The following AKT3 variants were observed in gnomAD, a reference collection of about 807,000 sequenced individuals.
AKT3 encodes RAC-gamma serine/threonine-protein kinase.
A neutral mutation model predicts 65.3 loss-of-function variants in AKT3; 15 were observed. That is an observed-to-expected ratio of 0.23 (90% confidence interval 0.15 to 0.35). The LOEUF (loss-of-function observed/expected upper bound fraction) is 0.35. Ranked by LOEUF, AKT3 falls within the 10% of genes least tolerant of loss-of-function variation. The pLI, the probability that AKT3 is intolerant of heterozygous loss-of-function variation, is 1.00. For synonymous variants in AKT3, 206 were observed against 183.8 expected (o/e 1.12, Z -0.98); for missense variants, 243 against 576.5 (o/e 0.42, Z 5.92).
At chr1:243,714,681 G>A (rs1041786613) in intron 2 of AKT3, among the ~76,000 whole-genome samples, 6 of 152,062 alleles carry the variant, frequency 3.9e-5, no homozygotes, top group Admixed American at 6.6e-5. Flanking sequence ...TATCTGGCAC[G>A]GGGAGGAGAA....
chr1:243,658,066 G>C (rs1321766431), intron 4 of AKT3, among the ~76,000 whole-genome samples: 1 of 152,038 alleles, frequency 6.6e-6, no homozygotes, highest in Non-Finnish European at 1.5e-5. Flanking sequence ...TTGGTCTTTA[G>C]AAATGATTTC....
chr1:243,774,241 A>T (rs1690398922), intron 2 of AKT3, among the ~76,000 whole-genome samples: 1 of 152,218 alleles, frequency 6.6e-6, no homozygotes, highest in Non-Finnish European at 1.5e-5. Context: ...CACCTGCCAT[A>T]GTTCTACATA....
intron 2 of AKT3, among the ~76,000 whole-genome samples, chr1:243,705,148 T>C (rs1184311759): frequency 6.6e-6 from 1 of 152,232 alleles, no homozygotes; most frequent in Non-Finnish European, 1.5e-5. Context: ...GAACTTGTCA[T>C]TTTTACATTA....
Position 243,512,440 on chromosome 1 carries a change from GA to G in AKT3, c.1252-15del. 1 of 1,462,234 alleles carries G rather than the reference GA, an allele frequency of 6.8e-7. No individual in the cohort carries two copies. Among genetic ancestry groups the G allele is most frequent in the Non-Finnish European group, 9.4e-7 (1 of 1,068,676 alleles). 90.6% of individuals were successfully genotyped at this position (1,462,234 alleles called of 1,614,324 possible). A position where few individuals can be genotyped will look rare whatever the true frequency, so the allele number is the denominator to read the frequency against. On this transcript the variant is annotated splice_polypyrimidine_tract_variant and intron_variant, in intron 12 of 13. Coordinates refer to ENST00000673466, the MANE Select transcript of AKT3 (RefSeq NM_005465.7). ...AGGAGGTACAAGCTGTAAAAAGAAA[GA>G]AAAAGAGTTTTATTAACTGATTTCA...
intron 3 of AKT3, among the ~76,000 whole-genome samples, chr1:243,670,954 C>T (rs1683117383): frequency 6.6e-6 from 1 of 152,086 alleles, no homozygotes; most frequent in South Asian, 2.1e-4. Flanking sequence ...TTTTAGAGAT[C>T]ATCTGTTTAG....
At chr1:243,776,669 G>A (rs1242467478) in intron 2 of AKT3, among the ~76,000 whole-genome samples, 2 of 152,086 alleles carry the variant, frequency 1.3e-5, no homozygotes, top group East Asian at 3.9e-4. Flanking sequence ...CCATTTTACA[G>A]AAGAAAAAAT....
chr1:243,512,019 G>A (rs1005327576), intron 13 of AKT3, among the ~76,000 whole-genome samples: 1 of 152,190 alleles, frequency 6.6e-6, no homozygotes, highest in African/African-American at 2.4e-5. Flanking sequence ...AATCCTTTCA[G>A]TTGGTGTCAA....
At chr1:243,575,868 G>A (rs1050443754) in intron 8 of AKT3, among the ~76,000 whole-genome samples, 1 of 151,966 alleles carries the variant, frequency 6.6e-6, no homozygotes, top group African/African-American at 2.4e-5. Context: ...TAATACTAAA[G>A]AGGAAAAATA....
At chr1:243,623,923 T>C (rs115018095) in intron 6 of AKT3, among the ~76,000 whole-genome samples, 2,512 of 152,334 alleles carry the variant, frequency 0.016, 61 homozygotes, top group African/African-American at 0.058. Flanking sequence ...TGGAAGAAGA[T>C]ACCTTAAAGC....
intron 2 of AKT3, among the ~76,000 whole-genome samples, chr1:243,743,221 C>T (rs879798274): frequency 3.3e-5 from 5 of 152,152 alleles, no homozygotes; most frequent in Non-Finnish European, 7.3e-5. Context: ...GGCCGGTAAA[C>T]CTAAAATTAG....
rs369079480 is a variant in AKT3 at position 243,499,864 on chromosome 1, C to T, written c.*5385G>A. On this transcript the variant is annotated 3_prime_UTR_variant, in exon 14 of 14. Coordinates refer to ENST00000673466, the MANE Select transcript of AKT3 (RefSeq NM_005465.7). Reference sequence around the variant, plus strand: ...CTGGTTTAGACTTAATATGCCACAACGCACCACGACCTTCCCAGGGTGACA... The same window carrying T: ...CTGGTTTAGACTTAATATGCCACAATGCACCACGACCTTCCCAGGGTGACA... 7.2e-5 allele frequency: 99 copies of T among 1,380,642 alleles called. No homozygotes were observed. Among genetic ancestry groups the T allele is most frequent in the East Asian group, 1.2e-4 (5 of 42,948 alleles). 85.5% of individuals were successfully genotyped at this position (1,380,642 alleles called of 1,614,324 possible). A position where few individuals can be genotyped will look rare whatever the true frequency, so the allele number is the denominator to read the frequency against.
intron 2 of AKT3, among the ~76,000 whole-genome samples, chr1:243,757,941 T>C (rs1689241312): frequency 6.6e-6 from 1 of 152,088 alleles, no homozygotes; most frequent in Non-Finnish European, 1.5e-5. Flanking sequence ...TTTTGTATTT[T>C]CAGTAGAGAC....
intron 12 of AKT3, among the ~76,000 whole-genome samples, chr1:243,522,747 G>A (rs931226741): frequency 1.3e-5 from 2 of 152,164 alleles, no homozygotes; most frequent in Non-Finnish European, 2.9e-5. Context: ...GCTATATAAT[G>A]TAGGTAGGTT....
Position 243,502,745 on chromosome 1 carries a change from T to C in AKT3, c.*2504A>G, listed in dbSNP as rs1300519019. The stretch of plus-strand genomic sequence containing the variant: ...ACCAATGGAGTCTCAGAGGGTGGAA[T>C]AGAAGTGACTGAGCCCCAGGCATGG... On this transcript the variant is annotated 3_prime_UTR_variant, in exon 14 of 14. Transcript: ENST00000673466. 8.6e-6 allele frequency: 2 copies of C among 233,160 alleles called. No homozygotes were observed. The highest frequency in any genetic ancestry group is 1.7e-5 in the Non-Finnish European group (2 of 118,060). 14.4% of individuals were successfully genotyped at this position (233,160 alleles called of 1,614,324 possible).
intron 2 of AKT3, among the ~76,000 whole-genome samples, chr1:243,724,655 G>A (rs1275118351): frequency 6.6e-6 from 1 of 151,994 alleles, no homozygotes; most frequent in Non-Finnish European, 1.5e-5. Context: ...TCATTTTCTG[G>A]AAAACTACAC....
chr1:243,595,095 A>G (rs1449879428), intron 8 of AKT3, among the ~76,000 whole-genome samples: 1 of 152,188 alleles, frequency 6.6e-6, no homozygotes, highest in Admixed American at 6.5e-5. Flanking sequence ...CAATTAGACA[A>G]TTTCATCATT....
chr1:243,511,597 T>C (rs1197636484), intron 13 of AKT3, among the ~76,000 whole-genome samples: 1 of 152,220 alleles, frequency 6.6e-6, no homozygotes, highest in Non-Finnish European at 1.5e-5. Context: ...GCCATCCAAA[T>C]ATTGCCCTGA....
intron 2 of AKT3, among the ~76,000 whole-genome samples, chr1:243,819,175 C>T (rs548762096): frequency 6.6e-6 from 1 of 152,366 alleles, no homozygotes; most frequent in African/African-American, 2.4e-5. Flanking sequence ...CGGCTGCCTG[C>T]TGTCCAAGAC....
intron 8 of AKT3, among the ~76,000 whole-genome samples, chr1:243,588,113 G>A (rs1309824966): frequency 6.6e-6 from 1 of 152,154 alleles, no homozygotes; most frequent in Non-Finnish European, 1.5e-5. Context: ...TTTCACTGCT[G>A]AAAAGATAAA....
Sources: gnomAD v4.1 joint callset for allele counts (sites outside exome capture counted in the v4.1 genomes callset) on GRCh38, gnomAD v4.1.1 for gene constraint, MANE v1.5 for transcripts, NCBI Gene and HGNC (gene_info 2026-07-23, HGNC 2026-07-21) for gene names.